Variants in DCUN1D4 observed in about 807,000 individuals in gnomAD.
The protein encoded by DCUN1D4 is defective in cullin neddylation 1 domain containing 4.
Under a neutral mutation model 47.9 loss-of-function variants are expected in DCUN1D4, and 22 were observed. The ratio of observed to expected loss-of-function variants is 0.46; its 90% confidence interval spans 0.33 to 0.66. DCUN1D4 has a LOEUF of 0.66. DCUN1D4 is among the 30% of genes least tolerant of loss of function. DCUN1D4 has a pLI of 0.02. For synonymous variants in DCUN1D4, 121 were observed against 112.2 expected, an observed-to-expected ratio of 1.08 and a Z score of -0.50; for missense variants, 301 against 340.8, an observed-to-expected ratio of 0.88 and a Z score of 0.92.
At chr4:51,903,347 A>G (rs935953500) in intron 8 of DCUN1D4, among the ~76,000 whole-genome samples, 9 of 152,114 alleles carry the variant, frequency 5.9e-5, no homozygotes. Context: ...ATTGTCTTTC[A>G]TCATGTGTAA....
intron 1 of DCUN1D4, among the ~76,000 whole-genome samples, chr4:51,858,687 A>G (rs919731740): frequency 1.3e-5 from 2 of 152,098 alleles, no homozygotes; most frequent in Non-Finnish European, 2.9e-5. Flanking sequence ...TCTGTCATTG[A>G]TTTTTCTTCT....
At chr4:51,895,580 AAAAAAAAAC>A (rs1174675031) in intron 7 of DCUN1D4, among the ~76,000 whole-genome samples, 7 of 151,260 alleles carry the variant, frequency 4.6e-5, no homozygotes, top group Non-Finnish European at 5.9e-5. Context: ...AAAAAAAAAA[AAAAAAAAAC>A]AGTGACAATT....
chr4:51,863,648 A>G (rs1725440796), intron 2 of DCUN1D4, 22 bp from the exon 3 acceptor site: 2 of 1,611,892 alleles, frequency 1.2e-6, no homozygotes, highest in Non-Finnish European at 1.7e-6. Context: ...TTTCTTCGTA[A>G]TAACGAACAT....
At chr4:51,893,583 C>G (rs977550063) in intron 7 of DCUN1D4, among the ~76,000 whole-genome samples, 2 of 152,094 alleles carry the variant, frequency 1.3e-5, no homozygotes, top group Non-Finnish European at 2.9e-5. Context: ...GACACCGCCA[C>G]GCCCGGCTGA....
rs925175173 is a variant in DCUN1D4, at chr4:51,914,815, T to G, written c.*1231T>G. The G allele has an allele frequency of 7.5e-6, 1 of 133,926 alleles. No individual in the cohort carries two copies. The highest frequency in any genetic ancestry group is 1.5e-5 in the Non-Finnish European group (1 of 65,120). 8.3% of individuals were successfully genotyped at this position (133,926 alleles called of 1,614,324 possible). A position where few individuals can be genotyped will look rare whatever the true frequency, so the allele number is the denominator to read the frequency against. ...ACAGAATGGTATTTTTAGGTTTGTA[T>G]TTTATGTCTTTTTTTTTTTTTTTTT... On this transcript the variant is annotated 3_prime_UTR_variant, in exon 11 of 11. Coordinates refer to ENST00000334635, the MANE Select transcript of DCUN1D4 (RefSeq NM_001040402.3).
chr4:51,886,002 C>T (rs1729426358), intron 5 of DCUN1D4, among the ~76,000 whole-genome samples: 1 of 152,096 alleles, frequency 6.6e-6, no homozygotes, highest in African/African-American at 2.4e-5. Context: ...GAAGAAGAAA[C>T]CAAATTCCAA....
At chr4:51,898,219 G>A (rs1731557201) in intron 7 of DCUN1D4, among the ~76,000 whole-genome samples, 1 of 152,208 alleles carries the variant, frequency 6.6e-6, no homozygotes, top group African/African-American at 2.4e-5. Context: ...AGCTCCCAGG[G>A]AGTGGGCTCC....
intron 6 of DCUN1D4, among the ~76,000 whole-genome samples, chr4:51,891,093 A>C (rs530784592): frequency 4.6e-5 from 7 of 152,354 alleles, no homozygotes; most frequent in Admixed American, 3.9e-4. Context: ...CAGTGTATAT[A>C]GTGAATTCAC....
At position 51,843,190 on chromosome 4, in the gene DCUN1D4, C is replaced by A; in HGVS notation, c.-53C>A. On this transcript the variant is annotated 5_prime_UTR_variant, in exon 1 of 11. Transcript: ENST00000334635. The stretch of plus-strand genomic sequence containing the variant: ...AGGTGCAGTGAGCTGGTGGGGGGAC[C>A]GCGAGGCGAGCGCGGGAGCCTGGGC... 6.5e-7 allele frequency: 1 copy of A among 1,534,946 alleles called. No homozygotes were observed. The highest frequency in any genetic ancestry group is 8.8e-7 in the Non-Finnish European group (1 of 1,141,486).
At chr4:51,834,780 A>G in the DCUN1D4 span, among the ~76,000 whole-genome samples, 1 of 152,060 alleles carries the variant, frequency 6.6e-6, no homozygotes, top group South Asian at 2.1e-4. Flanking sequence ...AGGCTCCCAA[A>G]GAGGATGTGG....
At chr4:51,856,350 C>T (rs530743462) in intron 1 of DCUN1D4, among the ~76,000 whole-genome samples, 5 of 152,080 alleles carry the variant, frequency 3.3e-5, no homozygotes, top group Non-Finnish European at 4.4e-5. Flanking sequence ...ACCAGAAGAG[C>T]GAATTGTGCT....
chr4:51,856,897 A>G (rs1724226866), intron 1 of DCUN1D4, among the ~76,000 whole-genome samples: 1 of 152,232 alleles, frequency 6.6e-6, no homozygotes, highest in South Asian at 2.1e-4. Flanking sequence ...TCTCAGAAGA[A>G]TCCAGCACAG....
chr4:51,852,015 ATTC>A (rs1243340969), intron 1 of DCUN1D4, among the ~76,000 whole-genome samples: 3 of 152,074 alleles, frequency 2.0e-5, no homozygotes, highest in Non-Finnish European at 4.4e-5. Flanking sequence ...GTATATTGGA[ATTC>A]TTTTTTTTTC....
At chr4:51,872,094 G>T (rs564963322) in intron 3 of DCUN1D4, among the ~76,000 whole-genome samples, 1 of 152,184 alleles carries the variant, frequency 6.6e-6, no homozygotes, top group African/African-American at 2.4e-5. Flanking sequence ...GTTTTGTGCC[G>T]AAGGAGCAGG....
chr4:51,906,460 TC>T (rs1426105374), intron 8 of DCUN1D4, among the ~76,000 whole-genome samples: 1 of 152,202 alleles, frequency 6.6e-6, no homozygotes, highest in Non-Finnish European at 1.5e-5. Flanking sequence ...TGGATTCACT[TC>T]CTCTTCTGAT....
intron 3 of DCUN1D4, among the ~76,000 whole-genome samples, chr4:51,870,173 C>G (rs893058951): frequency 6.6e-6 from 1 of 152,010 alleles, no homozygotes; most frequent in Non-Finnish European, 1.5e-5. Context: ...CCGTAACATT[C>G]TTGTTTATAT....
chr4:51,852,140 CTCT>C (rs1723469477), intron 1 of DCUN1D4, among the ~76,000 whole-genome samples: 2 of 152,254 alleles, frequency 1.3e-5, no homozygotes, highest in South Asian at 4.1e-4. Flanking sequence ...ATTTCTGAGT[CTCT>C]TCTTTCCCAT....
At chr4:51,887,887 T>C (rs1249340129) in intron 6 of DCUN1D4, among the ~76,000 whole-genome samples, 1 of 151,642 alleles carries the variant, frequency 6.6e-6, no homozygotes, top group East Asian at 1.9e-4. Context: ...TAGATTTTTA[T>C]CTTGGTTTTT....
intron 1 of DCUN1D4, among the ~76,000 whole-genome samples, chr4:51,853,092 C>T (rs953675609): frequency 6.6e-6 from 1 of 152,134 alleles, no homozygotes. Flanking sequence ...TGCAGCCAGA[C>T]GGGTGTCCTG....
Sources: allele counts gnomAD v4.1 joint callset (sites outside exome capture counted in the v4.1 genomes callset), GRCh38; gene constraint gnomAD v4.1.1; transcripts MANE v1.5; gene names NCBI Gene and HGNC (gene_info 2026-07-23, HGNC 2026-07-21).